LRRC4C: variants seen among roughly 807,000 people sequenced by gnomAD.
LRRC4C encodes leucine rich repeat containing 4C.
LRRC4C carries 5 observed loss-of-function variants against 33.6 expected under a neutral mutation model. That is an observed-to-expected ratio of 0.15 (90% confidence interval 0.08 to 0.31). The LOEUF is 0.31. Among genes scored for constraint, LRRC4C ranks in the 10% least tolerant of loss-of-function variants. The pLI is 1.00. For synonymous variants in LRRC4C, 329 were observed against 302.0 expected, an observed-to-expected ratio of 1.09 and a Z score of -0.93; for missense variants, 560 against 796.7, an observed-to-expected ratio of 0.70 and a Z score of 3.58.
intron 1 of LRRC4C, among the ~76,000 whole-genome samples, chr11:41,373,072 C>A (rs111665066): frequency 0.012 from 1,754 of 152,138 alleles, 38 homozygotes; most frequent in African/African-American, 0.04. Flanking sequence ...CTAATAACTT[C>A]TTATACTTGG....
intron 4 of LRRC4C, among the ~76,000 whole-genome samples, chr11:40,302,961 C>A (rs1267274921): frequency 6.6e-6 from 1 of 152,084 alleles, no homozygotes; most frequent in African/African-American, 2.4e-5. Context: ...AAATGTGTGG[C>A]AGGGAAGAAG....
intron 1 of LRRC4C, among the ~76,000 whole-genome samples, chr11:41,234,980 T>C (rs1348926447): frequency 6.6e-6 from 1 of 151,974 alleles, no homozygotes; most frequent in Admixed American, 6.6e-5. Flanking sequence ...CCTGAAAATC[T>C]GTCAGGAGGA....
chr11:41,364,979 G>A (rs1339836887), intron 1 of LRRC4C, among the ~76,000 whole-genome samples: 1 of 152,154 alleles, frequency 6.6e-6, no homozygotes, highest in East Asian at 1.9e-4. Flanking sequence ...GAGTGTGTGT[G>A]TGTGTGTGTG....
intron 5 of LRRC4C, among the ~76,000 whole-genome samples, chr11:40,168,421 T>C (rs550173637): frequency 6.6e-6 from 1 of 152,336 alleles, no homozygotes; most frequent in Admixed American, 6.5e-5. Flanking sequence ...TGCTCTAGTT[T>C]GCGTCCAAAC....
At chr11:41,033,892 A>ATG (rs1856873667) in intron 1 of LRRC4C, among the ~76,000 whole-genome samples, 3 of 152,186 alleles carry the variant, frequency 2.0e-5, no homozygotes, top group Non-Finnish European at 4.4e-5. Context: ...TGAACACTGT[A>ATG]AATGAGAAAA....
chr11:41,261,632 T>C (rs1591092618), intron 1 of LRRC4C, among the ~76,000 whole-genome samples: 2 of 152,160 alleles, frequency 1.3e-5, no homozygotes, highest in East Asian at 3.9e-4. Context: ...AGTACACATC[T>C]ACCAGGAAAA....
chr11:41,126,247 AT>A (rs911265409), intron 1 of LRRC4C, among the ~76,000 whole-genome samples: 1 of 151,864 alleles, frequency 6.6e-6, no homozygotes, highest in Non-Finnish European at 1.5e-5. Context: ...CCACCCTTCT[AT>A]TTTTTTAATA....
chr11:41,021,730 T>A (rs1340482650), intron 1 of LRRC4C, among the ~76,000 whole-genome samples: 1 of 152,094 alleles, frequency 6.6e-6, no homozygotes, highest in African/African-American at 2.4e-5. Flanking sequence ...GCTTTCTGCC[T>A]GAGACACAGA....
At chr11:40,209,495 C>T (rs1863418081) in intron 5 of LRRC4C, among the ~76,000 whole-genome samples, 1 of 152,114 alleles carries the variant, frequency 6.6e-6, no homozygotes, top group African/African-American at 2.4e-5. Flanking sequence ...TCTATTTACT[C>T]CAAACATTAG....
intron 2 of LRRC4C, among the ~76,000 whole-genome samples, chr11:40,793,823 C>CTT (rs1950718970): frequency 6.6e-6 from 1 of 152,114 alleles, no homozygotes; most frequent in African/African-American, 2.4e-5. Flanking sequence ...CTTTTATGTA[C>CTT]TTATCACATT....
chr11:41,403,561 TATG>T (rs1954106021), intron 1 of LRRC4C, among the ~76,000 whole-genome samples: 1 of 152,086 alleles, frequency 6.6e-6, no homozygotes, highest in South Asian at 2.1e-4. Context: ...GAAATAAATG[TATG>T]ATAACTATGC....
chr11:41,345,310 G>A (rs1457644572), intron 1 of LRRC4C, among the ~76,000 whole-genome samples: 1 of 152,108 alleles, frequency 6.6e-6, no homozygotes, highest in South Asian at 2.1e-4. Flanking sequence ...GAAGAAGATT[G>A]GTAGCAGAGG....
chr11:40,609,308 C>T (rs1293722250), intron 3 of LRRC4C, among the ~76,000 whole-genome samples: 1 of 151,656 alleles, frequency 6.6e-6, no homozygotes, highest in Admixed American at 6.6e-5. Context: ...GCAATGAACT[C>T]CTAAATAAGC....
chr11:41,281,932 G>T (rs61877285), intron 1 of LRRC4C, among the ~76,000 whole-genome samples: 54,311 of 151,804 alleles, frequency 0.36, 11,080 homozygotes, highest in Non-Finnish European at 0.46. Context: ...GCACAAAAAT[G>T]GGACAAGATC....
At chr11:40,853,683 T>C (rs2135765282) in intron 2 of LRRC4C, among the ~76,000 whole-genome samples, 1 of 152,312 alleles carries the variant, frequency 6.6e-6, no homozygotes, top group East Asian at 1.9e-4. Context: ...TCAAAACTAA[T>C]GTACACCTCA....
intron 1 of LRRC4C, among the ~76,000 whole-genome samples, chr11:41,122,555 T>C (rs1942495111): frequency 6.6e-6 from 1 of 152,012 alleles, no homozygotes; most frequent in Admixed American, 6.6e-5. Flanking sequence ...ACTTTTAATA[T>C]GCCCAGATGA....
At chr11:41,373,466 AT>A (rs1952826602) in intron 1 of LRRC4C, among the ~76,000 whole-genome samples, 1 of 152,160 alleles carries the variant, frequency 6.6e-6, no homozygotes, top group Non-Finnish European at 1.5e-5. Context: ...GTCTTCCCTA[AT>A]TTGGGTCTGG....
chr11:41,144,266 G>T (rs1943636281), intron 1 of LRRC4C, among the ~76,000 whole-genome samples: 1 of 152,130 alleles, frequency 6.6e-6, no homozygotes, highest in Non-Finnish European at 1.5e-5. Context: ...TGCTTCCAAG[G>T]TAGCCCCAAA....
intron 2 of LRRC4C, among the ~76,000 whole-genome samples, chr11:40,767,392 C>G (rs561790423): frequency 6.6e-6 from 1 of 152,122 alleles, no homozygotes; most frequent in South Asian, 2.1e-4. Flanking sequence ...ATTGACACCC[C>G]CCTTTCAGCA....
Sources: allele counts gnomAD v4.1 joint callset (sites outside exome capture counted in the v4.1 genomes callset), GRCh38; gene constraint gnomAD v4.1.1; transcripts MANE v1.5; gene names NCBI Gene and HGNC (gene_info 2026-07-23, HGNC 2026-07-21).